The following EDA variants were observed in gnomAD, a reference collection of about 807,000 sequenced individuals.
EDA encodes the protein ectodysplasin A, also known as ectodysplasin-A.
A neutral mutation model predicts 23.6 loss-of-function variants in EDA; 2 were observed. The observed-to-expected ratio is 0.08, with a 90% CI of 0.03 to 0.27. The LOEUF (loss-of-function observed/expected upper bound fraction) is 0.27, where lower values mean the gene tolerates loss of function less well. Among genes scored for constraint, EDA ranks in the 10% least tolerant of loss-of-function variants. EDA has a pLI of 1.00. For missense variants in EDA, 229 were observed against 324.2 expected (o/e 0.71, Z 2.26); for synonymous variants, 131 against 132.0 (o/e 0.99, Z 0.05).
chrX:69,801,126 A>G (rs773064272), intron 1 of EDA, among the ~76,000 whole-genome samples: 35 of 112,046 alleles, frequency 3.1e-4, no homozygotes, highest in Non-Finnish European at 4.7e-4. Flanking sequence ...TCAAGGCAAC[A>G]CTTTTAAAAT....
chrX:69,987,112 T>C (rs2019504094), intron 2 of EDA, among the ~76,000 whole-genome samples: 1 of 46,912 alleles, frequency 2.1e-5, no homozygotes, highest in African/African-American at 9.0e-5. Context: ...TATCACACTC[T>C]GGGGACTGTG....
chrX:69,888,977 GTTATATATAT>G lies in EDA; in HGVS notation c.397-68049_397-68040del, dbSNP rs1474218798. Among the ~76,000 whole-genome samples the G allele has an allele frequency of 5.0e-3, 66 of 13,238 alleles. 2 individuals carry two copies. Among genetic ancestry groups the G allele is most frequent in the East Asian group, 0.021 (8 of 386 alleles). 11.5% of individuals were successfully genotyped at this position (13,238 alleles called of 115,157 possible). On this transcript the variant is annotated intron_variant, in intron 1 of 7. Coordinates refer to ENST00000374552, the MANE Select transcript of EDA (RefSeq NM_001399.5). ...AGTGGAATTGTTGTATTGTGGGGTA[GTTATATATAT>G]ATATATATATATATATATATATATA...
At chrX:69,788,341 A>G (rs188986643) in intron 1 of EDA, among the ~76,000 whole-genome samples, 1,482 of 112,329 alleles carry the variant, frequency 0.013, 16 homozygotes, top group African/African-American at 0.043. Flanking sequence ...GTGAGGAACT[A>G]CGTTCCTTTG....
At chrX:69,711,164 C>A (rs1412644273) in intron 1 of EDA, among the ~76,000 whole-genome samples, 7 of 111,119 alleles carry the variant, frequency 6.3e-5, no homozygotes, top group African/African-American at 2.0e-4. Flanking sequence ...TGAGATACGT[C>A]CCATCAATAC....
intron 6 of EDA, 107 bp downstream of exon 6, chrX:70,030,627 G>A (rs1382208113): frequency 4.1e-6 from 3 of 729,616 alleles, no homozygotes; most frequent in Non-Finnish European, 6.3e-6. Context: ...CTGAGGTACC[G>A]TTGGCATACG....
At chrX:69,934,911 AT>A (rs1456340914) in intron 1 of EDA, among the ~76,000 whole-genome samples, 2 of 110,711 alleles carry the variant, frequency 1.8e-5, no homozygotes, top group African/African-American at 6.6e-5. Context: ...ATCTAACTAT[AT>A]TTTTTACCCT....
Position 69,645,596 on chromosome X carries a change from G to GTGTATATATATATATA in EDA, c.396+28895_396+28896insATATATATATATATGT, listed in dbSNP as rs1569281300. ...TTCTCTAGTTCTTTTATATATATGT[G>GTGTATATATATATATA]TGTGTGTATATATATATATGTGTGT... On this transcript the variant is annotated intron_variant, in intron 1 of 7. Transcript: ENST00000374552. Among the ~76,000 whole-genome samples, 36 of 29,508 alleles carry GTGTATATATATATATA rather than the reference G, an allele frequency of 1.2e-3. 2 individuals carry two copies. Among genetic ancestry groups the GTGTATATATATATATA allele is most frequent in the Non-Finnish European group, 1.8e-3 (33 of 18,012 alleles). The allele number at this position is 29,508 out of a possible 115,157, so 25.6% of individuals were successfully genotyped here.
At chrX:69,735,477 T>A (rs1310543292) in intron 1 of EDA, among the ~76,000 whole-genome samples, 2 of 111,961 alleles carry the variant, frequency 1.8e-5, no homozygotes, top group Non-Finnish European at 3.8e-5. Context: ...GATTGTCCCC[T>A]CTAGTCTTTG....
At chrX:69,889,486 G>C (rs1274927419) in intron 1 of EDA, among the ~76,000 whole-genome samples, 1 of 111,035 alleles carries the variant, frequency 9.0e-6, no homozygotes, top group Non-Finnish European at 1.9e-5. Flanking sequence ...CTTCCAATTG[G>C]TGTGAAGTGG....
intron 1 of EDA, among the ~76,000 whole-genome samples, chrX:69,829,355 G>A (rs984638823): frequency 2.7e-5 from 3 of 111,710 alleles, no homozygotes; most frequent in Non-Finnish European, 5.6e-5. Context: ...CCTCATATCA[G>A]GTATTTGGAT....
intron 1 of EDA, among the ~76,000 whole-genome samples, chrX:69,679,164 G>A (rs1373032126): frequency 9.1e-6 from 1 of 109,329 alleles, no homozygotes; most frequent in Non-Finnish European, 1.9e-5. Flanking sequence ...GCATCCCAGG[G>A]ATGAAGCCCA....
At chrX:69,641,726 G>A in intron 1 of EDA, among the ~76,000 whole-genome samples, 1 of 111,554 alleles carries the variant, frequency 9.0e-6, no homozygotes, top group Non-Finnish European at 1.9e-5. Context: ...GCTGTTGCTT[G>A]GATGTTTGCA....
chrX:69,645,148 T>C (rs1932893094), intron 1 of EDA, among the ~76,000 whole-genome samples: 1 of 111,003 alleles, frequency 9.0e-6, no homozygotes, highest in Admixed American at 9.6e-5. Flanking sequence ...TCCTTTTCAA[T>C]TGTTTGGAAT....
At chrX:69,794,919 G>A (rs776319239) in intron 1 of EDA, among the ~76,000 whole-genome samples, 7 of 112,157 alleles carry the variant, frequency 6.2e-5, no homozygotes, top group Non-Finnish European at 1.1e-4. Context: ...GGATGGACAG[G>A]TAGATCTGTT....
At chrX:69,711,297 A>T (rs1019660283) in intron 1 of EDA, among the ~76,000 whole-genome samples, 12 of 111,541 alleles carry the variant, frequency 1.1e-4, no homozygotes, top group African/African-American at 3.9e-4. Flanking sequence ...GATTATGTTT[A>T]TTGATTTGTC....
chrX:69,889,003 T>TATATATATATAC (rs1446327386), intron 1 of EDA, among the ~76,000 whole-genome samples: 1 of 70,085 alleles, frequency 1.4e-5, no homozygotes, highest in Admixed American at 1.8e-4. Flanking sequence ...TATATATATA[T>TATATATATATAC]ATATATATAT....
intron 3 of EDA, among the ~76,000 whole-genome samples, chrX:70,024,900 C>G (rs1327479): frequency 0.2 from 21,997 of 111,392 alleles, 2,008 homozygotes; most frequent in African/African-American, 0.37. Flanking sequence ...GGGTATGTTT[C>G]TAAGTACAAA....
At chrX:69,815,125 A>C (rs2016046949) in intron 1 of EDA, among the ~76,000 whole-genome samples, 1 of 111,956 alleles carries the variant, frequency 8.9e-6, no homozygotes, top group South Asian at 3.7e-4. Flanking sequence ...AGCCAATGGC[A>C]ATGGGCTGGA....
intron 1 of EDA, among the ~76,000 whole-genome samples, chrX:69,911,783 C>T (rs747364228): frequency 3.8e-4 from 43 of 112,268 alleles, no homozygotes; most frequent in African/African-American, 1.4e-3. Context: ...AAAAATGCTA[C>T]CAATCAGCTG....
Sources: gnomAD v4.1 joint callset for allele counts (sites outside exome capture counted in the v4.1 genomes callset) on GRCh38, gnomAD v4.1.1 for gene constraint, MANE v1.5 for transcripts, NCBI Gene and HGNC (gene_info 2026-07-23, HGNC 2026-07-21) for gene names.